The following SLC34A1 variants were observed in gnomAD, a reference collection of about 807,000 sequenced individuals.
The protein encoded by SLC34A1 is solute carrier family 34 member 1, also known as sodium-dependent phosphate transport protein 2A.
Under a neutral mutation model 51.4 loss-of-function variants are expected in SLC34A1, and 57 were observed. That is an observed-to-expected ratio of 1.11 (90% CI 0.90 to 1.38). The LOEUF (loss-of-function observed/expected upper bound fraction) is 1.38, where lower values mean the gene tolerates loss of function less well. Ranked by LOEUF, SLC34A1 falls within the 40% of genes most tolerant of loss-of-function variation. The pLI is 0.00. For synonymous variants in SLC34A1, 368 were observed against 358.0 expected (o/e 1.03, Z -0.32); for missense variants, 796 against 835.6 (o/e 0.95, Z 0.58).
At position 177,388,190 on chromosome 5, in the gene SLC34A1, G is replaced by A. The variant is rs762004674; in HGVS notation, c.840+1G>A. On this transcript the variant is annotated splice_donor_variant, in intron 7 of 12. Coordinates refer to ENST00000324417, the MANE Select transcript of SLC34A1 (RefSeq NM_003052.5). LOFTEE classifies it high-confidence loss of function. The surrounding 1 kb of genome is among the most constrained non-coding windows in gnomAD (Gnocchi z 4.3). ...GCCCTTCACGAAGCTCATCATCCAG[G>A]TGACAGCAGGGCCTGGCATGGGGTG... The A allele has an allele frequency of 3.7e-6, 6 of 1,614,108 alleles. No homozygotes were observed. The highest frequency in any genetic ancestry group is 2.2e-5 in the East Asian group (1 of 44,874).
Position 177,387,808 on chromosome 5 carries a change from C to T in SLC34A1, c.579C>T (p.Ile193=), listed in dbSNP as rs201387466. Reference sequence around the variant, plus strand: ...TCCCCATCATCATGGGCTCCAACATCGGCACCTCTGTCACCAACACCATCG... The same window carrying T: ...TCCCCATCATCATGGGCTCCAACATTGGCACCTCTGTCACCAACACCATCG... The part of the protein sequence containing the change: ...SAIPIIMGSN[I]GTSVTNTIVA... Residue 193 remains isoleucine (I), a synonymous_variant, in exon 6 of 13, where the codon ATC becomes ATT. Coordinates refer to ENST00000324417, the MANE Select transcript of SLC34A1 (RefSeq NM_003052.5). 1.8e-5 allele frequency: 29 copies of T among 1,613,574 alleles called. No homozygotes were observed. Among genetic ancestry groups the T allele is most frequent in the African/African-American group, 9.4e-5 (7 of 74,832 alleles).
At position 177,397,040 on chromosome 5, in the gene SLC34A1, C is replaced by A. The variant is rs1278234102; in HGVS notation, c.1382C>A (p.Ala461Asp). Residue 461 changes from alanine to aspartate, a missense_variant, in exon 12 of 13, where the codon GCC (alanine) becomes GAC (aspartate). Coordinates refer to ENST00000324417, the MANE Select transcript of SLC34A1 (RefSeq NM_003052.5). ...TTTTAILAAL[A>D]SPREKLSSAF... ...ACCACGGCCATCCTGGCTGCCCTGG[C>A]CAGCCCCAGGGAGAAGCTGTCCAGC... 4 of 1,613,788 alleles carry A rather than the reference C, an allele frequency of 2.5e-6. No homozygotes were observed. The East Asian group carries it at 8.9e-5, about 36-fold the overall frequency.
At chr5:177,385,921 C>A in intron 2 of SLC34A1, 66 bp from the exon 3 acceptor site, 2 of 1,610,024 alleles carry the variant, frequency 1.2e-6, no homozygotes, top group Non-Finnish European at 1.7e-6. Flanking sequence ...GGCCACTTCC[C>A]CCGCCTGTTC....
At position 177,387,754 on chromosome 5, in the gene SLC34A1, T is replaced by C; in HGVS notation, c.533-8T>C. 4 of 1,611,746 alleles carry C rather than the reference T, an allele frequency of 2.5e-6. No homozygotes were observed. Among genetic ancestry groups the C allele is most frequent in the Non-Finnish European group, 3.4e-6 (4 of 1,177,920 alleles). On this transcript the variant is annotated splice_polypyrimidine_tract_variant and splice_region_variant and intron_variant, in intron 5 of 12. Coordinates refer to ENST00000324417, the MANE Select transcript of SLC34A1 (RefSeq NM_003052.5). ...TCAAATTCATTAGGACGTCTTCTCT[T>C]CTACCAGTGCTGGAGGTGAGCTCTG...
At chr5:177,393,997 G>C (rs373698740) in intron 9 of SLC34A1, 31 bp from the exon 10 acceptor site, 79 of 1,613,500 alleles carry the variant, frequency 4.9e-5, no homozygotes, top group Non-Finnish European at 6.1e-5. Flanking sequence ...CCAGGTGTGG[G>C]GTCAGCTGTC....
In SLC34A1 at chr5:177,388,319, T is replaced by C. The variant is rs763096294; in HGVS notation, c.883T>C (p.Ser295Pro). 6.2e-7 allele frequency: 1 copy of C among 1,613,956 alleles called. No homozygotes were observed. Among genetic ancestry groups the C allele is most frequent in the Non-Finnish European group, 8.5e-7 (1 of 1,180,038 alleles). Reference protein sequence around the residue: ...VITSIATGDESLRNHSLIQIW... With the variant: ...VITSIATGDEPLRNHSLIQIW... ...AACCAGCATTGCCACTGGTGATGAGTCCCTGAGGAACCACAGTCTCATCCA... is the reference window on the plus strand; with the variant it reads ...AACCAGCATTGCCACTGGTGATGAGCCCCTGAGGAACCACAGTCTCATCCA... Residue 295 changes from serine to proline, a missense_variant, in exon 8 of 13, where the codon TCC (serine) becomes CCC (proline). Ser to Pro is a moderately conservative substitution (Grantham distance 74). Coordinates refer to ENST00000324417, the MANE Select transcript of SLC34A1 (RefSeq NM_003052.5). The surrounding 1 kb of genome is among the most constrained non-coding windows in gnomAD (Gnocchi z 4.3).
In SLC34A1 at chr5:177,398,182, C is replaced by T. The variant is rs576752637; in HGVS notation, c.1816C>T (p.Arg606Cys). Residue 606 changes from arginine (R) to cysteine (C), a missense_variant, in exon 13 of 13, where the codon CGC becomes TGC. Arg to Cys is a radical substitution (Grantham distance 180). Coordinates refer to ENST00000324417, the MANE Select transcript of SLC34A1 (RefSeq NM_003052.5). The surrounding 1 kb of genome is among the most constrained non-coding windows in gnomAD (Gnocchi z 4.7). ...CCTATGCTGTGCCAGGCCTGAGCCC[C>T]GCTCACCCCCGCTGCCCCCCAGGGT... Reference protein sequence around the residue: ...ATLCCARPEPRSPPLPPRVFL... With the variant: ...ATLCCARPEPCSPPLPPRVFL... 5.0e-6 allele frequency: 8 copies of T among 1,611,292 alleles called. No individual in the cohort carries two copies. Among genetic ancestry groups the T allele is most frequent in the African/African-American group, 4.0e-5 (3 of 75,042 alleles).
chr5:177,398,052 G>A lies in SLC34A1; in HGVS notation c.1686G>A (p.Gln562=). ...TCGTGGTGCTCATCAATGTCCTGCA[G>A]AGTCGGAGTCCCGGGCACCTGCCCA... ...LAFVVLINVL[Q]SRSPGHLPKW... Residue 562 remains glutamine, a synonymous_variant, in exon 13 of 13, where the codon CAG becomes CAA. Coordinates refer to ENST00000324417, the MANE Select transcript of SLC34A1 (RefSeq NM_003052.5). This position sits in a 1 kb window ranked among gnomAD's most constrained non-coding sequence, Gnocchi z 4.7. 10 of 1,614,048 alleles carry A rather than the reference G, an allele frequency of 6.2e-6. No homozygotes were observed. The highest frequency in any genetic ancestry group is 8.5e-6 in the Non-Finnish European group (10 of 1,179,946).
intron 1 of SLC34A1, among the ~76,000 whole-genome samples, 192 bp from the exon 2 acceptor site, chr5:177,385,503 G>T (rs1334625322): frequency 3.9e-5 from 6 of 152,054 alleles, no homozygotes; most frequent in South Asian, 2.1e-4. Flanking sequence ...TCGGAGGGCT[G>T]TGGTGGTGAT....
intron 8 of SLC34A1, among the ~76,000 whole-genome samples, chr5:177,391,753 C>G (rs1762810311): frequency 6.6e-6 from 1 of 152,236 alleles, no homozygotes; most frequent in African/African-American, 2.4e-5. Flanking sequence ...TTACCGAAGG[C>G]TCATGATGAG....
Position 177,396,643 on chromosome 5 carries a change from G to A in SLC34A1, c.1175-90G>A. The stretch of plus-strand genomic sequence containing the variant: ...GATCCGCTCTCCCAGTGCCCCCGCG[G>A]AGGTCCGCTCTCCCAGTGCCCCCGC... On this transcript the variant is annotated intron_variant, in intron 10 of 12. Transcript: ENST00000324417. The surrounding 1 kb of genome is among the most constrained non-coding windows in gnomAD (Gnocchi z 4.0). 3.0e-6 allele frequency: 3 copies of A among 1,011,418 alleles called. No individual in the cohort carries two copies. The highest frequency in any genetic ancestry group is 4.7e-6 in the Non-Finnish European group (3 of 636,450). The allele number at this position is 1,011,418 out of a possible 1,614,324, so 62.7% of individuals were successfully genotyped here.
rs996593891 is a variant in SLC34A1 at position 177,396,145 on chromosome 5, T to A, written c.1175-588T>A. Among the ~76,000 whole-genome samples, 10 of 152,154 alleles carry A rather than the reference T, an allele frequency of 6.6e-5. No homozygotes were observed. The highest frequency in any genetic ancestry group is 1.5e-4 in the Non-Finnish European group (10 of 68,020). On this transcript the variant is annotated intron_variant, in intron 10 of 12. Transcript: ENST00000324417. The surrounding 1 kb of genome is among the most constrained non-coding windows in gnomAD (Gnocchi z 4.0). ...ATGACAAGTACTAGAATAAGGGGTA[T>A]CATGGGGCTGTGGGAGCTCAGAGAA...
intron 8 of SLC34A1, among the ~76,000 whole-genome samples, chr5:177,393,212 T>C (rs1762861087): frequency 6.6e-6 from 1 of 152,154 alleles, no homozygotes; most frequent in Non-Finnish European, 1.5e-5. Context: ...CTGGGCCCTC[T>C]GTCCCCTTAC....
intron 5 of SLC34A1, among the ~76,000 whole-genome samples, chr5:177,387,179 G>A (rs1762609096): frequency 6.6e-6 from 1 of 151,324 alleles, no homozygotes; most frequent in South Asian, 2.1e-4. Flanking sequence ...GACCACCCTG[G>A]CTAACACGGT....
Position 177,386,038 on chromosome 5 carries a change from C to T in SLC34A1, c.161C>T (p.Pro54Leu). ...GCCTATGCCTTCCCCAGCCTGGGCC[C>T]TGTGGCCCTTGCTGAGCACACCTGC... ...TSAYAFPSLG[P>L]VALAEHTCPC... Residue 54 changes from proline (P) to leucine (L), a missense_variant, in exon 3 of 13, where the codon CCT (proline) becomes CTT (leucine). By Grantham distance (98) the Pro-to-Leu change is moderately conservative (BLOSUM62 -3). Transcript: ENST00000324417. This position sits in a 1 kb window ranked among gnomAD's most constrained non-coding sequence, Gnocchi z 4.8. 2 of 1,609,486 alleles carry T rather than the reference C, an allele frequency of 1.2e-6. No individual in the cohort carries two copies. Among genetic ancestry groups the T allele is most frequent in the African/African-American group, 1.3e-5 (1 of 74,950 alleles).
Position 177,398,266 on chromosome 5 carries a change from C to T in SLC34A1, c.1900C>T (p.His634Tyr). The change falls in exon 13 of 13, where the codon CAC (histidine) becomes TAC (tyrosine). Residue 634 changes from histidine to tyrosine, a missense_variant. His to Tyr is a moderately conservative substitution (Grantham distance 83). Coordinates refer to ENST00000324417, the MANE Select transcript of SLC34A1 (RefSeq NM_003052.5). The surrounding 1 kb of genome is among the most constrained non-coding windows in gnomAD (Gnocchi z 4.7). ...CCCCCGTCTTGCACTGCCTGCTCAC[C>T]ACAATGCCACCCGCCTCTAGGCTGT... ...PSPRLALPAH[H>Y]NATRL 2 of 1,599,270 alleles carry T rather than the reference C, an allele frequency of 1.3e-6. No homozygotes were observed. The highest frequency in any genetic ancestry group is 1.3e-5 in the African/African-American group (1 of 75,042).
In SLC34A1 at chr5:177,388,063, G is replaced by C. The variant is rs766127191; in HGVS notation, c.714G>C (p.Glu238Asp). Residue 238 changes from glutamate (E) to aspartate (D), a missense_variant, in exon 7 of 13, where the codon GAG becomes GAC. Coordinates refer to ENST00000324417, the MANE Select transcript of SLC34A1 (RefSeq NM_003052.5). The surrounding 1 kb of genome is among the most constrained non-coding windows in gnomAD (Gnocchi z 4.3). Reference protein sequence around the residue: ...WLSVLVLLPLEAATGYLHHIT... With the variant: ...WLSVLVLLPLDAATGYLHHIT... ...CAGTGCTGGTCCTGCTGCCCCTGGA[G>C]GCTGCCACTGGCTACCTGCACCACA... 4.3e-6 allele frequency: 7 copies of C among 1,613,986 alleles called. No homozygotes were observed. The Admixed American group carries it at 1.2e-4, about 27-fold the overall frequency.
At chr5:177,387,686 G>A (rs1022955556) in intron 5 of SLC34A1, 76 bp from the exon 6 acceptor site, 27 of 1,237,268 alleles carry the variant, frequency 2.2e-5, no homozygotes, top group African/African-American at 1.6e-4. Context: ...ACGTGGGTGG[G>A]GGGCCTGACA....
chr5:177,393,620 C>T, intron 8 of SLC34A1, 74 bp from the exon 9 acceptor site: 1 of 1,431,748 alleles, frequency 7.0e-7, no homozygotes, highest in Non-Finnish European at 9.8e-7. Context: ...CCCCATCTCT[C>T]CCTAACTCCC....
Sources: allele counts gnomAD v4.1 joint callset (sites outside exome capture counted in the v4.1 genomes callset), GRCh38; gene constraint gnomAD v4.1.1; non-coding constraint Gnocchi (gnomAD v3.1); transcripts MANE v1.5; gene names NCBI Gene and HGNC (gene_info 2026-07-23, HGNC 2026-07-21).